The following DKK3 variants were observed in gnomAD, a reference collection of about 807,000 sequenced individuals.
DKK3 encodes the protein dickkopf-related protein 3.
DKK3 carries 22 observed loss-of-function variants against 33.2 expected under a neutral mutation model. The observed-to-expected ratio is 0.66, with a 90% CI of 0.47 to 0.95. The LOEUF is 0.95. DKK3 is among the 40% of genes least tolerant of loss of function. The probability of loss-of-function intolerance (pLI) is 0.00; values close to 1 mark genes in which losing one functional copy is unlikely to be tolerated. For missense variants in DKK3, 398 were observed against 458.4 expected (o/e 0.87, Z 1.20); for synonymous variants, 194 against 188.8 (o/e 1.03, Z -0.23).
chr11:11,975,276 TA>T (rs1479268756), intron 3 of DKK3, among the ~76,000 whole-genome samples: 14 of 152,292 alleles, frequency 9.2e-5, no homozygotes, highest in Admixed American at 2.0e-4. Context: ...ATCTTATTGC[TA>T]GAAGGTGACA....
At chr11:11,997,307 T>C (rs1848317701) in intron 3 of DKK3, among the ~76,000 whole-genome samples, 1 of 152,214 alleles carries the variant, frequency 6.6e-6, no homozygotes. Context: ...CTTTTCATTC[T>C]ACAACTCTGC....
intron 1 of DKK3, among the ~76,000 whole-genome samples, chr11:12,004,843 C>T (rs538405175): frequency 6.6e-6 from 1 of 152,126 alleles, no homozygotes; most frequent in Non-Finnish European, 1.5e-5. Flanking sequence ...TTTGTTTTGC[C>T]AGAGTTCTGA....
intron 3 of DKK3, among the ~76,000 whole-genome samples, chr11:11,977,169 G>A (rs796736251): frequency 6.6e-5 from 10 of 152,198 alleles, no homozygotes; most frequent in African/African-American, 2.2e-4. Flanking sequence ...ATGCACCCCC[G>A]AGCAGAGCTT....
At chr11:11,974,117 A>G (rs1847782317) in intron 3 of DKK3, among the ~76,000 whole-genome samples, 1 of 152,242 alleles carries the variant, frequency 6.6e-6, no homozygotes, top group Non-Finnish European at 1.5e-5. Context: ...TCTGGAGAGA[A>G]CATCTTCAGG....
chr11:11,988,949 T>C (rs988666), intron 3 of DKK3, among the ~76,000 whole-genome samples: 62,696 of 151,962 alleles, frequency 0.41, 13,159 homozygotes, highest in East Asian at 0.55. Flanking sequence ...GGAAACAGAG[T>C]TGGGGAACGC....
Position 12,008,263 on chromosome 11 carries a change from C to T in DKK3, c.213+107G>A. ...ATCTGCTGTCGGCCCTTCCCAGGCCCTGCGCGGGACCCGAGGTCCCTGGCC... is the reference window on the plus strand; with the variant it reads ...ATCTGCTGTCGGCCCTTCCCAGGCCTTGCGCGGGACCCGAGGTCCCTGGCC... On this transcript the variant is annotated intron_variant, in intron 1 of 6. Transcript: ENST00000683431. The surrounding 1 kb of genome is among the most constrained non-coding windows in gnomAD (Gnocchi z 4.6). 1 of 1,414,168 alleles carries T rather than the reference C, an allele frequency of 7.1e-7. No homozygotes were observed. Among genetic ancestry groups the T allele is most frequent in the Non-Finnish European group, 9.4e-7 (1 of 1,063,936 alleles). The allele number at this position is 1,414,168 out of a possible 1,614,324, so 87.6% of individuals were successfully genotyped here.
At chr11:12,005,340 C>G (rs1441821293) in intron 1 of DKK3, among the ~76,000 whole-genome samples, 1 of 152,182 alleles carries the variant, frequency 6.6e-6, no homozygotes, top group Non-Finnish European at 1.5e-5. Context: ...AAACTTAAGT[C>G]TGAAGCAAAA....
intron 3 of DKK3, among the ~76,000 whole-genome samples, chr11:11,990,700 C>T (rs969422604): frequency 6.6e-6 from 1 of 152,234 alleles, no homozygotes; most frequent in African/African-American, 2.4e-5. Flanking sequence ...CCCCCACGCA[C>T]ATCTCCAGCT....
At chr11:11,998,598 C>T in intron 3 of DKK3, 98 bp downstream of exon 3, 1 of 1,058,312 alleles carries the variant, frequency 9.4e-7, no homozygotes, top group Non-Finnish European at 1.5e-6. Flanking sequence ...ACTCCACTCC[C>T]TCCTGCCCAT....
chr11:12,009,404 C>A, upstream of DKK3: 1 of 969,270 alleles, frequency 1.0e-6, no homozygotes, highest in Non-Finnish European at 1.2e-6. Flanking sequence ...ACCAGGCCCA[C>A]CCCGCCCCGC....
chr11:11,967,759 T>G (rs1044478636), intron 4 of DKK3, among the ~76,000 whole-genome samples: 1 of 152,234 alleles, frequency 6.6e-6, no homozygotes, highest in African/African-American at 2.4e-5. Context: ...CCAAAATGCC[T>G]GTTGGGTGAA....
At chr11:12,004,530 C>T (rs1564926953) in intron 1 of DKK3, among the ~76,000 whole-genome samples, 1 of 152,132 alleles carries the variant, frequency 6.6e-6, no homozygotes, top group Non-Finnish European at 1.5e-5. Flanking sequence ...CTGCAGCATC[C>T]TCGGAGAGGA....
intron 4 of DKK3, among the ~76,000 whole-genome samples, chr11:11,967,761 T>C (rs1199301992): frequency 2.0e-5 from 3 of 152,232 alleles, no homozygotes; most frequent in South Asian, 2.1e-4. Context: ...AAAATGCCTG[T>C]TGGGTGAAGA....
chr11:11,964,778 T>C, intron 6 of DKK3, 92 bp from the exon 7 acceptor site: 1 of 1,534,532 alleles, frequency 6.5e-7, no homozygotes, highest in Non-Finnish European at 8.7e-7. Flanking sequence ...GCTCCCAGCC[T>C]CACCTTCATG....
intron 2 of DKK3, among the ~76,000 whole-genome samples, chr11:12,000,930 C>T: frequency 6.6e-6 from 1 of 152,328 alleles, no homozygotes; most frequent in South Asian, 2.1e-4. Flanking sequence ...TTGCATTTTA[C>T]AGTTTACAAT....
In DKK3 at chr11:12,008,001, C is replaced by T. The variant is rs1848573009; in HGVS notation, c.213+369G>A. On this transcript the variant is annotated intron_variant, in intron 1 of 6. Coordinates refer to ENST00000683431, the MANE Select transcript of DKK3 (RefSeq NM_001018057.2). This position sits in a 1 kb window ranked among gnomAD's most constrained non-coding sequence, Gnocchi z 4.6. ...AACTTGGCGATGCCTGGAGCTTGTC[C>T]CGGGTTTCTGTGAAACCACAGTGCT... Among the ~76,000 whole-genome samples, 1 of 152,248 alleles carries T rather than the reference C, an allele frequency of 6.6e-6. No homozygotes were observed. The highest frequency in any genetic ancestry group is 1.5e-5 in the Non-Finnish European group (1 of 68,048).
At chr11:11,968,179 G>A (rs1218856241) in intron 4 of DKK3, among the ~76,000 whole-genome samples, 1 of 152,158 alleles carries the variant, frequency 6.6e-6, no homozygotes, top group Non-Finnish European at 1.5e-5. Flanking sequence ...GGGTGGATGG[G>A]AGTGGCCCTG....
intron 1 of DKK3, among the ~76,000 whole-genome samples, chr11:12,004,236 C>A (rs1264685029): frequency 1.3e-5 from 2 of 152,192 alleles, no homozygotes; most frequent in Non-Finnish European, 2.9e-5. Flanking sequence ...CCTGATAATA[C>A]TGAGCTTCTC....
intron 3 of DKK3, 114 bp from the exon 4 acceptor site, chr11:11,968,601 G>T: frequency 9.7e-7 from 1 of 1,030,626 alleles, no homozygotes; most frequent in Non-Finnish European, 1.4e-6. Context: ...CACAGGCTCA[G>T]CAGGGTCAGG....
Sources: allele counts gnomAD v4.1 joint callset (sites outside exome capture counted in the v4.1 genomes callset), GRCh38; gene constraint gnomAD v4.1.1; non-coding constraint Gnocchi (gnomAD v3.1); transcripts MANE v1.5; gene names NCBI Gene and HGNC (gene_info 2026-07-23, HGNC 2026-07-21).